Variants in SLC39A11 observed in about 807,000 individuals in gnomAD.
SLC39A11 encodes zinc transporter ZIP11.
SLC39A11 carries 33 observed loss-of-function variants against 36.1 expected under a neutral mutation model. The ratio of observed to expected loss-of-function variants is 0.91; its 90% confidence interval spans 0.69 to 1.22. The LOEUF (loss-of-function observed/expected upper bound fraction) is 1.22, where lower values mean the gene tolerates loss of function less well. SLC39A11 is among the 50% of genes most tolerant of loss of function. The pLI, the probability that SLC39A11 is intolerant of heterozygous loss-of-function variation, is 0.00. For synonymous variants in SLC39A11, 166 were observed against 170.3 expected (o/e 0.97, Z 0.20); for missense variants, 432 against 430.3 (o/e 1.00, Z -0.03).
chr17:72,919,677 AAAAAAAAAG>A (rs1005962409), intron 5 of SLC39A11, among the ~76,000 whole-genome samples: 11 of 144,654 alleles, frequency 7.6e-5, no homozygotes, highest in African/African-American at 2.1e-4. Flanking sequence ...GTCAAAAAAA[AAAAAAAAAG>A]AAAAAAAGAA....
chr17:72,741,218 T>C (rs2074684406), intron 6 of SLC39A11, among the ~76,000 whole-genome samples: 1 of 152,108 alleles, frequency 6.6e-6, no homozygotes. Context: ...ACAAAATGTT[T>C]TAATTTTTAA....
At chr17:72,667,624 T>A (rs924179200) in intron 7 of SLC39A11, among the ~76,000 whole-genome samples, 2 of 152,106 alleles carry the variant, frequency 1.3e-5, no homozygotes, top group African/African-American at 4.8e-5. Context: ...ATGCTACCAA[T>A]GCTATGAAGA....
chr17:73,054,979 G>A (rs2059621348), intron 3 of SLC39A11, among the ~76,000 whole-genome samples: 1 of 152,138 alleles, frequency 6.6e-6, no homozygotes, highest in Non-Finnish European at 1.5e-5. Flanking sequence ...GGGTCCAGAA[G>A]AGAAGGGCAG....
intron 4 of SLC39A11, among the ~76,000 whole-genome samples, chr17:72,999,941 C>T (rs2089725382): frequency 6.6e-6 from 1 of 151,910 alleles, no homozygotes; most frequent in Non-Finnish European, 1.5e-5. Flanking sequence ...GGGGTTTCGC[C>T]ATGTTACCCT....
At chr17:72,877,970 T>TCCCCCCCCCCCCCCCCCCCCC (rs2081002117) in intron 5 of SLC39A11, among the ~76,000 whole-genome samples, 1 of 76,694 alleles carries the variant, frequency 1.3e-5, no homozygotes, top group African/African-American at 5.3e-5. Context: ...CCCTCCTCCC[T>TCCCCCCCCCCCCCCCCCCCCC]CCCCCCACCC....
chr17:72,969,979 A>G (rs2087318036), intron 4 of SLC39A11, among the ~76,000 whole-genome samples: 1 of 152,202 alleles, frequency 6.6e-6, no homozygotes, highest in South Asian at 2.1e-4. Context: ...AAGCCCAGGG[A>G]AAGAGACACC....
chr17:72,789,952 G>T (rs1433971209), intron 6 of SLC39A11, among the ~76,000 whole-genome samples: 1 of 152,116 alleles, frequency 6.6e-6, no homozygotes, highest in Non-Finnish European at 1.5e-5. Context: ...CTGACTTCTC[G>T]TGGAGTGCCA....
intron 3 of SLC39A11, among the ~76,000 whole-genome samples, chr17:73,033,227 C>T (rs1206018649): frequency 2.6e-5 from 4 of 152,208 alleles, no homozygotes; most frequent in South Asian, 2.1e-4. Context: ...ACCTGCTGTG[C>T]GGCCTGGTTC....
chr17:72,929,539 T>C (rs1284882841), intron 5 of SLC39A11, among the ~76,000 whole-genome samples: 3 of 152,194 alleles, frequency 2.0e-5, no homozygotes, highest in African/African-American at 7.2e-5. Context: ...CAGGCATCGC[T>C]GCAGCCTTGG....
intron 3 of SLC39A11, among the ~76,000 whole-genome samples, chr17:73,067,157 C>T (rs1320487208): frequency 1.3e-5 from 2 of 152,202 alleles, no homozygotes; most frequent in African/African-American, 4.8e-5. Context: ...CTCCAGTTTC[C>T]GTCTGCCCTC....
chr17:72,979,694 A>G (rs76627436), intron 4 of SLC39A11, among the ~76,000 whole-genome samples: 3,813 of 152,172 alleles, frequency 0.025, 112 homozygotes, highest in East Asian at 0.12. Flanking sequence ...TGCTCTGCAG[A>G]GCTCACACTA....
intron 6 of SLC39A11, among the ~76,000 whole-genome samples, chr17:72,753,494 C>T (rs2075234472): frequency 6.6e-6 from 1 of 152,168 alleles, no homozygotes; most frequent in African/African-American, 2.4e-5. Context: ...ATTTTTATCA[C>T]AGTCAGTTCT....
At chr17:73,070,407 G>A (rs768096253) in intron 3 of SLC39A11, among the ~76,000 whole-genome samples, 7 of 152,132 alleles carry the variant, frequency 4.6e-5, no homozygotes, top group Non-Finnish European at 8.8e-5. Flanking sequence ...CCAAGCTCCA[G>A]GGCCCCATTC....
At chr17:72,759,793 G>A (rs927744756) in intron 6 of SLC39A11, among the ~76,000 whole-genome samples, 11 of 152,184 alleles carry the variant, frequency 7.2e-5, no homozygotes, top group African/African-American at 2.6e-4. Context: ...CTCAGATCTA[G>A]TATTCAAGAA....
chr17:72,868,575 A>G (rs2080426611), intron 5 of SLC39A11, among the ~76,000 whole-genome samples: 2 of 133,186 alleles, frequency 1.5e-5, no homozygotes, highest in South Asian at 5.6e-4. Context: ...TGAGACCAGT[A>G]GTTCAAGACC....
At chr17:73,088,032 C>T (rs978665273) in intron 2 of SLC39A11, among the ~76,000 whole-genome samples, 6 of 152,084 alleles carry the variant, frequency 3.9e-5, no homozygotes, top group Admixed American at 6.6e-5. Flanking sequence ...AGGCCAGGCA[C>T]GGTGGCTCAC....
At chr17:72,725,390 G>A (rs1205155595) in intron 7 of SLC39A11, 1 of 152,092 alleles carries the variant, frequency 6.6e-6, no homozygotes, top group Non-Finnish European at 1.5e-5. Flanking sequence ...ACAATAACGA[G>A]CTTTATAAAT....
chr17:72,868,125 G>A (rs896651532), intron 5 of SLC39A11, among the ~76,000 whole-genome samples: 8 of 152,164 alleles, frequency 5.3e-5, no homozygotes, highest in Non-Finnish European at 8.8e-5. Flanking sequence ...TGAATCGTTC[G>A]CTGCTCAAAT....
chr17:72,815,049 G>A (rs1366481550), intron 6 of SLC39A11, among the ~76,000 whole-genome samples: 1 of 152,150 alleles, frequency 6.6e-6, no homozygotes. Flanking sequence ...CTTGTCCACT[G>A]CAGGCTGCCA....
Sources: allele counts gnomAD v4.1 joint callset (sites outside exome capture counted in the v4.1 genomes callset), GRCh38; gene constraint gnomAD v4.1.1; transcripts MANE v1.5; gene names NCBI Gene and HGNC (gene_info 2026-07-23, HGNC 2026-07-21).